The following APBB1IP variants were observed in gnomAD, a reference collection of about 807,000 sequenced individuals.
APBB1IP encodes the protein amyloid beta precursor protein binding family B member 1 interacting protein.
A neutral mutation model predicts 64.9 loss-of-function variants in APBB1IP; 27 were observed. The observed-to-expected ratio is 0.42, with a 90% CI of 0.31 to 0.57. The LOEUF (loss-of-function observed/expected upper bound fraction) is 0.57. Among genes scored for constraint, APBB1IP ranks in the 20% least tolerant of loss-of-function variants. APBB1IP has a pLI of 0.20. For synonymous variants in APBB1IP, 392 were observed against 331.0 expected (o/e 1.18, Z -2.00); for missense variants, 812 against 845.5 (o/e 0.96, Z 0.49).
At chr10:26,535,360 A>G (rs1836607286) in intron 9 of APBB1IP, among the ~76,000 whole-genome samples, 1 of 152,126 alleles carries the variant, frequency 6.6e-6, no homozygotes, top group Admixed American at 6.5e-5. Flanking sequence ...TTTATAGGGT[A>G]CATGATATAT....
chr10:26,528,033 C>T (rs899179183), intron 8 of APBB1IP, among the ~76,000 whole-genome samples: 1 of 152,128 alleles, frequency 6.6e-6, no homozygotes, highest in Non-Finnish European at 1.5e-5. Context: ...AGAACTCTGA[C>T]ATATTCTTCC....
chr10:26,494,588 G>A (rs894345950), intron 3 of APBB1IP, among the ~76,000 whole-genome samples: 8 of 152,192 alleles, frequency 5.3e-5, no homozygotes, highest in Non-Finnish European at 1.2e-4. Context: ...AGCACTTTGG[G>A]AGGCCGAGGT....
chr10:26,484,521 T>A (rs1037977438), intron 2 of APBB1IP, among the ~76,000 whole-genome samples: 2 of 152,086 alleles, frequency 1.3e-5, no homozygotes, highest in African/African-American at 4.8e-5. Flanking sequence ...GCCAGGCTGG[T>A]CTCAAACTCC....
At chr10:26,562,234 A>C in intron 13 of APBB1IP, 92 bp from the exon 14 acceptor site, 13 of 922,458 alleles carry the variant, frequency 1.4e-5, no homozygotes, top group Non-Finnish European at 2.3e-5. Context: ...TCTTTGCTTT[A>C]GAGATGCAAA....
At position 26,562,190 on chromosome 10, in the gene APBB1IP, G is replaced by GT. The variant is rs201047986; in HGVS notation, c.1370-128dup. 1,091 of 665,030 alleles carry GT rather than the reference G, an allele frequency of 1.6e-3. 5 individuals carry two copies. Among genetic ancestry groups the GT allele is most frequent in the Middle Eastern group, 0.01 (36 of 3,598 alleles). 41.2% of individuals were successfully genotyped at this position (665,030 alleles called of 1,614,324 possible). On this transcript the variant is annotated intron_variant, in intron 13 of 14. Coordinates refer to ENST00000376236, the MANE Select transcript of APBB1IP (RefSeq NM_019043.4). ...CTCTCTTTGCTTTGTTTTTATTTTTGTTTTTTTTGTAAGAACTAGCCAACA... is the reference window on the plus strand; with the variant it reads ...CTCTCTTTGCTTTGTTTTTATTTTTGTTTTTTTTTGTAAGAACTAGCCAACA...
intron 2 of APBB1IP, among the ~76,000 whole-genome samples, chr10:26,452,548 T>C (rs560049045): frequency 2.4e-4 from 36 of 152,364 alleles, no homozygotes; most frequent in Non-Finnish European, 4.9e-4. Context: ...TCTCTAGGCC[T>C]GATTTTTGTA....
chr10:26,473,419 C>T (rs947535607), intron 2 of APBB1IP, among the ~76,000 whole-genome samples: 6 of 152,174 alleles, frequency 3.9e-5, no homozygotes, highest in African/African-American at 7.2e-5. Flanking sequence ...TGTGAACAGC[C>T]GTCTTCTCTA....
At chr10:26,441,429 C>A (rs1325396706) in intron 2 of APBB1IP, among the ~76,000 whole-genome samples, 2 of 152,142 alleles carry the variant, frequency 1.3e-5, no homozygotes, top group Admixed American at 1.3e-4. Context: ...GTTAAAGAGA[C>A]TAGATTGTAC....
At chr10:26,453,756 G>C (rs1384656452) in intron 2 of APBB1IP, among the ~76,000 whole-genome samples, 2 of 152,136 alleles carry the variant, frequency 1.3e-5, no homozygotes, top group Non-Finnish European at 2.9e-5. Context: ...AGTCATAAAG[G>C]AAATACCAAT....
rs554362652 is a variant in APBB1IP, at chr10:26,491,361, A to G, written c.1-966A>G. Among the ~76,000 whole-genome samples the G allele has an allele frequency of 1.2e-3, 177 of 152,362 alleles. 2 individuals carry two copies. Among genetic ancestry groups the G allele is most frequent in the Non-Finnish European group, 4.1e-4 (28 of 68,042 alleles). On this transcript the variant is annotated intron_variant, in intron 2 of 14. Coordinates refer to ENST00000376236, the MANE Select transcript of APBB1IP (RefSeq NM_019043.4). ...CTGCAGCAAATTCCTCATGTTACAG[A>G]TGAAACAATTGATTACCTTTGCCAA...
At chr10:26,550,224 T>G (rs1214270458) in intron 11 of APBB1IP, among the ~76,000 whole-genome samples, 2 of 152,114 alleles carry the variant, frequency 1.3e-5, no homozygotes, top group Non-Finnish European at 2.9e-5. Context: ...TGATATATAT[T>G]GGAGTATTCT....
chr10:26,483,993 T>A (rs76879190), intron 2 of APBB1IP, among the ~76,000 whole-genome samples: 760 of 152,304 alleles, frequency 5.0e-3, no homozygotes, highest in Non-Finnish European at 8.2e-3. Context: ...AGTATCTTAG[T>A]CCAAGTAAAG....
intron 2 of APBB1IP, among the ~76,000 whole-genome samples, chr10:26,491,618 C>T (rs547229563): frequency 6.6e-6 from 1 of 152,290 alleles, no homozygotes; most frequent in South Asian, 2.1e-4. Context: ...CTTGGCAGGG[C>T]TGCCATTTAA....
intron 2 of APBB1IP, among the ~76,000 whole-genome samples, chr10:26,458,896 G>T (rs1835557164): frequency 6.6e-6 from 1 of 151,846 alleles, no homozygotes; most frequent in Non-Finnish European, 1.5e-5. Context: ...ATTAAATTGT[G>T]TATAAGTGTG....
At position 26,485,412 on chromosome 10, in the gene APBB1IP, C is replaced by A. The variant is rs182776324; in HGVS notation, c.1-6915C>A. 3.3e-4 allele frequency among the ~76,000 whole-genome samples: 50 copies of A among 152,296 alleles called. 1 individual carries two copies. In the East Asian group the frequency reaches 8.3e-3, roughly 25 times the overall value. On this transcript the variant is annotated intron_variant, in intron 2 of 14. Coordinates refer to ENST00000376236, the MANE Select transcript of APBB1IP (RefSeq NM_019043.4). ...GAGGCTTGAGATCTGGACTCTAGCC[C>A]AGTTCTTCTCATTAGTCTGGGAAGC...
intron 8 of APBB1IP, among the ~76,000 whole-genome samples, chr10:26,523,658 G>A (rs1165053126): frequency 6.6e-6 from 1 of 152,016 alleles, no homozygotes; most frequent in Non-Finnish European, 1.5e-5. Flanking sequence ...GGAGGGGCGG[G>A]GGGACACAGT....
intron 2 of APBB1IP, among the ~76,000 whole-genome samples, chr10:26,461,203 GGGAA>G (rs936988933): frequency 6.6e-6 from 1 of 152,028 alleles, no homozygotes; most frequent in African/African-American, 2.4e-5. Flanking sequence ...GAAGGAGGGA[GGGAA>G]GGAAGGAAGG....
intron 2 of APBB1IP, among the ~76,000 whole-genome samples, chr10:26,442,939 T>C (rs1038373506): frequency 3.9e-5 from 6 of 152,080 alleles, no homozygotes; most frequent in African/African-American, 1.2e-4. Flanking sequence ...GGAGTCAGGT[T>C]CTCCACCGAC....
At chr10:26,529,539 C>A (rs1197973469) in intron 8 of APBB1IP, among the ~76,000 whole-genome samples, 1 of 152,224 alleles carries the variant, frequency 6.6e-6, no homozygotes, top group Non-Finnish European at 1.5e-5. Context: ...TGTGGCCCTT[C>A]ACAGTTTAGA....
Sources: gnomAD v4.1 joint callset for allele counts (sites outside exome capture counted in the v4.1 genomes callset) on GRCh38, gnomAD v4.1.1 for gene constraint, MANE v1.5 for transcripts, NCBI Gene and HGNC (gene_info 2026-07-23, HGNC 2026-07-21) for gene names.